ADGRG4: variants seen among roughly 807,000 people sequenced by gnomAD.
ADGRG4 encodes adhesion G protein-coupled receptor G4, also known as G protein-coupled receptor 112.
In ADGRG4, 122 loss-of-function variants were observed where a neutral mutation model predicts 126.2. That is an observed-to-expected ratio of 0.97 (90% confidence interval 0.83 to 1.12). The LOEUF (loss-of-function observed/expected upper bound fraction) is 1.12. Among genes scored for constraint, ADGRG4 ranks in the 50% most tolerant of loss-of-function variants. The probability of loss-of-function intolerance (pLI) is 0.00; values close to 1 mark genes in which losing one functional copy is unlikely to be tolerated. For synonymous variants in ADGRG4, 943 were observed against 838.7 expected (o/e 1.12, Z -2.15); for missense variants, 2,481 against 2,251.8 (o/e 1.10, Z -2.06).
intron 15 of ADGRG4, among the ~76,000 whole-genome samples, chrX:136,379,729 T>G (rs1332024681): frequency 9.0e-6 from 1 of 110,712 alleles, no homozygotes; most frequent in Non-Finnish European, 1.9e-5. Context: ...CCAAAGCTAC[T>G]GGGGAGGTCA....
chrX:136,305,410 G>A (rs1316204303), intron 3 of ADGRG4, among the ~76,000 whole-genome samples: 2 of 111,273 alleles, frequency 1.8e-5, no homozygotes, highest in African/African-American at 3.3e-5. Flanking sequence ...CTACCCTTGG[G>A]ACCCCAGGGG....
Position 136,348,346 on chromosome X carries a change from G to A in ADGRG4, c.4640G>A (p.Cys1547Tyr). ...TKSSKTMHPG[C>Y]LKSPCTATSG... ...TCTTCTAAAACAATGCATCCAGGTT[G>A]TTTGAAAAGTCCCTGTACAGCCACT... Residue 1547 changes from cysteine (C) to tyrosine (Y), a missense_variant, in exon 6 of 26, where the codon TGT (cysteine) becomes TAT (tyrosine). By Grantham distance (194) the Cys-to-Tyr change is radical. Transcript: ENST00000394143. 1 of 1,210,208 alleles carries A rather than the reference G, an allele frequency of 8.3e-7. No individual in the cohort carries two copies. Among genetic ancestry groups the A allele is most frequent in the South Asian group, 1.8e-5 (1 of 56,885 alleles).
At chrX:136,331,616 G>A (rs189794020) in intron 5 of ADGRG4, among the ~76,000 whole-genome samples, 131 of 111,367 alleles carry the variant, frequency 1.2e-3, no homozygotes, top group African/African-American at 4.1e-3. Context: ...AGTCATTCTT[G>A]TAAATTTGTA....
At chrX:136,350,497 C>A (rs2075055438) in intron 6 of ADGRG4, 64 bp downstream of exon 6, 2 of 1,072,213 alleles carry the variant, frequency 1.9e-6, no homozygotes, top group East Asian at 6.0e-5. Context: ...GTCATGTGTT[C>A]TCCAAAGTGG....
chrX:136,323,453 T>C, intron 5 of ADGRG4, 61 bp downstream of exon 5: 1 of 1,041,403 alleles, frequency 9.6e-7, no homozygotes, highest in Non-Finnish European at 1.3e-6. Flanking sequence ...ACTTCTCTGC[T>C]AGCAGTGGCC....
At chrX:136,376,082 C>T (rs756144807) in intron 15 of ADGRG4, among the ~76,000 whole-genome samples, 11 of 111,439 alleles carry the variant, frequency 9.9e-5, no homozygotes, top group East Asian at 2.8e-4. Context: ...TTGTATAATG[C>T]GAGGGATGGG....
chrX:136,371,664 TA>T (rs1488055018), intron 14 of ADGRG4, 120 bp downstream of exon 14: 2 of 432,932 alleles, frequency 4.6e-6, no homozygotes, highest in Non-Finnish European at 7.7e-6. Flanking sequence ...AAAATATCCT[TA>T]AAAAAATCTT....
intron 25 of ADGRG4, 42 bp from the exon 26 acceptor site, chrX:136,416,412 C>G (rs1490316677): frequency 8.9e-7 from 1 of 1,129,029 alleles, no homozygotes; most frequent in Non-Finnish European, 1.2e-6. Context: ...TGCAAAGTCC[C>G]TGATGCCGCA....
At chrX:136,363,313 A>G (rs896633000) in intron 12 of ADGRG4, among the ~76,000 whole-genome samples, 164 bp from the exon 13 acceptor site, 1 of 111,344 alleles carries the variant, frequency 9.0e-6, no homozygotes, top group African/African-American at 3.3e-5. Context: ...TAAGAGCAAA[A>G]TTTCTTCATT....
intron 4 of ADGRG4, among the ~76,000 whole-genome samples, chrX:136,319,744 T>TATCTA (rs1181011997): frequency 9.4e-6 from 1 of 106,709 alleles, no homozygotes; most frequent in Non-Finnish European, 1.9e-5. Flanking sequence ...TCTATCTATC[T>TATCTA]ATCTATCATC....
intron 15 of ADGRG4, among the ~76,000 whole-genome samples, chrX:136,377,864 G>A (rs186870386): frequency 4.8e-5 from 5 of 103,477 alleles, no homozygotes; most frequent in Admixed American, 1.1e-4. Flanking sequence ...TTTTAAACTC[G>A]TATGTTATTA....
intron 5 of ADGRG4, among the ~76,000 whole-genome samples, chrX:136,343,559 T>C (rs1603294368): frequency 9.0e-6 from 1 of 110,909 alleles, no homozygotes; most frequent in Non-Finnish European, 1.9e-5. Context: ...TAAAAATGAG[T>C]GGACAGAGAA....
At position 136,400,010 on chromosome X, in the gene ADGRG4, T is replaced by C. The variant is rs919956439; in HGVS notation, c.8469T>C (p.Ser2823=). The change falls in exon 21 of 26, where the codon TCT becomes TCC. Residue 2823 remains serine, a synonymous_variant. Transcript: ENST00000394143. ...AVALHYFLLV[S]FTWMGLEAVH... ...CACTTCATTACTTCCTGCTTGTTTC[T>C]TTTACTTGGATGGGCCTGGAGGCAG... The C allele has an allele frequency of 8.3e-7, 1 of 1,208,789 alleles. No homozygotes were observed. The highest frequency in any genetic ancestry group is 1.1e-6 in the Non-Finnish European group (1 of 893,974).
chrX:136,306,517 CCCTT>C (rs1331819222), intron 3 of ADGRG4, among the ~76,000 whole-genome samples: 1 of 110,304 alleles, frequency 9.1e-6, no homozygotes, highest in Admixed American at 9.8e-5. Flanking sequence ...CTCTTTCCTC[CCCTT>C]CCTATCTTCC....
chrX:136,348,146 T>A lies in ADGRG4; in HGVS notation c.4440T>A (p.Val1480=). 8.3e-7 allele frequency: 1 copy of A among 1,209,871 alleles called. No homozygotes were observed. The highest frequency in any genetic ancestry group is 1.1e-6 in the Non-Finnish European group (1 of 894,105). ...GACTATATAATGACGGTTTTACAGT[T>A]CTCTCCGACAGGATCACTACAGCCT... ...TAGLYNDGFT[V]LSDRITTAFS... is the part of the protein sequence containing the mutation. The change falls in exon 6 of 26, where the codon GTT becomes GTA. Residue 1480 remains valine (V), a synonymous_variant. Transcript: ENST00000394143.
Position 136,346,704 on chromosome X carries a change from A to T in ADGRG4, c.2998A>T (p.Thr1000Ser). The change falls in exon 6 of 26, where the codon ACA becomes TCA. Residue 1000 changes from threonine (T) to serine (S), a missense_variant. Thr to Ser is a moderately conservative substitution (Grantham distance 58). Transcript: ENST00000394143. ...TGATGGTATCTTACCTCCACAGCCTACAGCTGCTCATTCCTCAGCAACCCC... is the reference window on the plus strand; with the variant it reads ...TGATGGTATCTTACCTCCACAGCCTTCAGCTGCTCATTCCTCAGCAACCCC... ...LSDGILPPQP[T>S]AAHSSATPVP... 8.3e-7 allele frequency: 1 copy of T among 1,209,973 alleles called. No individual in the cohort carries two copies. Among genetic ancestry groups the T allele is most frequent in the Non-Finnish European group, 1.1e-6 (1 of 894,389 alleles).
At chrX:136,402,487 T>C (rs1235505868) in intron 21 of ADGRG4, among the ~76,000 whole-genome samples, 1 of 111,511 alleles carries the variant, frequency 9.0e-6, no homozygotes. Context: ...AGTGGAGGAT[T>C]TTTCAAGATA....
chrX:136,387,907 T>G (rs1390787443), intron 16 of ADGRG4, 33 bp downstream of exon 16: 1 of 1,137,085 alleles, frequency 8.8e-7, no homozygotes, highest in Non-Finnish European at 1.2e-6. Context: ...TGTGATGAAC[T>G]GGCATATGGT....
rs2074724419 is a variant in ADGRG4 at position 136,305,020 on chromosome X, T to C, written c.-13T>C. 1 of 111,977 alleles carries C rather than the reference T, an allele frequency of 8.9e-6. No homozygotes were observed. The highest frequency in any genetic ancestry group is 3.2e-5 in the African/African-American group (1 of 30,799). 9.2% of individuals were successfully genotyped at this position (111,977 alleles called of 1,213,427 possible). On this transcript the variant is annotated 5_prime_UTR_variant, in exon 3 of 26. It removes an upstream start codon present in the reference 5' UTR. Coordinates refer to ENST00000394143, the MANE Select transcript of ADGRG4 (RefSeq NM_153834.4). The stretch of plus-strand genomic sequence containing the variant: ...GTGTTATGTAATCTTCACAGCAATA[T>C]GAGGTGAGTTCCATGGTCAGCATTT...
Sources: allele counts gnomAD v4.1 joint callset (sites outside exome capture counted in the v4.1 genomes callset), GRCh38; gene constraint gnomAD v4.1.1; transcripts MANE v1.5; gene names NCBI Gene and HGNC (gene_info 2026-07-23, HGNC 2026-07-21).